The following DUSP19 variants were observed in gnomAD, a reference collection of about 807,000 sequenced individuals.
DUSP19 encodes dual specificity protein phosphatase 19.
In DUSP19, 14 loss-of-function variants were observed where a neutral mutation model predicts 16.6. The observed-to-expected ratio is 0.84, with a 90% CI of 0.56 to 1.32. The LOEUF (loss-of-function observed/expected upper bound fraction) is 1.32, where lower values mean the gene tolerates loss of function less well. Ranked by LOEUF, DUSP19 falls within the 40% of genes most tolerant of loss-of-function variation. DUSP19 has a pLI of 0.00. For synonymous variants in DUSP19, 81 were observed against 90.5 expected (o/e 0.90, Z 0.59); for missense variants, 258 against 255.9 (o/e 1.01, Z -0.06).
Position 183,079,162 on chromosome 2 carries a change from G to A in DUSP19, c.226+3G>A. 1.2e-6 allele frequency: 2 copies of A among 1,611,988 alleles called. No homozygotes were observed. Among genetic ancestry groups the A allele is most frequent in the East Asian group, 2.2e-5 (1 of 44,866 alleles). ...TATTAAGCCATGGTTGCTCCTAGGT[G>A]AGTATATCGACTTGCCACTAGATCA... On this transcript the variant is annotated splice_donor_region_variant and intron_variant, in intron 1 of 3. Transcript: ENST00000354221.
At position 183,099,443 on chromosome 2, in the gene DUSP19, A is replaced by G. The variant is rs1162679207; in HGVS notation, c.*3785A>G. ...TTGAAGTTGTATATTCTTGCAATGC[A>G]TAAAATGACATTATAATCAACAAAC... On this transcript the variant is annotated 3_prime_UTR_variant, in exon 4 of 4. Coordinates refer to ENST00000354221, the MANE Select transcript of DUSP19 (RefSeq NM_080876.4). 3 of 152,236 alleles carry G rather than the reference A, an allele frequency of 2.0e-5. No homozygotes were observed. Among genetic ancestry groups the G allele is most frequent in the African/African-American group, 4.8e-5 (2 of 41,458 alleles). 9.4% of individuals were successfully genotyped at this position (152,236 alleles called of 1,614,324 possible). A position where few individuals can be genotyped will look rare whatever the true frequency, so the allele number is the denominator to read the frequency against.
chr2:183,078,870 C>A lies in DUSP19; in HGVS notation c.-64C>A. 6.8e-7 allele frequency: 1 copy of A among 1,467,714 alleles called. No homozygotes were observed. The allele number at this position is 1,467,714 out of a possible 1,614,324, so 90.9% of individuals were successfully genotyped here. On this transcript the variant is annotated 5_prime_UTR_variant, in exon 1 of 4. Transcript: ENST00000354221. ...TGTTACCTGGGCAATAAGGGACTAG[C>A]AGTTCAGCCGTTTTCTATGCCTGCT...
chr2:183,084,307 A>G (rs1039708222), intron 2 of DUSP19, among the ~76,000 whole-genome samples: 1 of 152,042 alleles, frequency 6.6e-6, no homozygotes, highest in East Asian at 1.9e-4. Flanking sequence ...ACAGCCTGTA[A>G]TCCCAAGGCT....
chr2:183,081,484 C>T (rs949376590), intron 1 of DUSP19, among the ~76,000 whole-genome samples: 1 of 152,160 alleles, frequency 6.6e-6, no homozygotes, highest in Non-Finnish European at 1.5e-5. Flanking sequence ...TGGGCTTGAG[C>T]AGTCTGCCCG....
At position 183,082,107 on chromosome 2, in the gene DUSP19, G is replaced by A. The variant is rs774676561; in HGVS notation, c.227-1401G>A. 2.6e-5 allele frequency among the ~76,000 whole-genome samples: 4 copies of A among 152,268 alleles called. No homozygotes were observed. The South Asian group carries it at 6.2e-4, about 24-fold the overall frequency. On this transcript the variant is annotated intron_variant, in intron 1 of 3. Coordinates refer to ENST00000354221, the MANE Select transcript of DUSP19 (RefSeq NM_080876.4). ...CTAGTGATACATGGAGTGTGGGTGG[G>A]ATCCTGCAGACCAACAGCATTTGCT...
chr2:183,081,167 A>G (rs1699587986), intron 1 of DUSP19, among the ~76,000 whole-genome samples: 1 of 152,246 alleles, frequency 6.6e-6, no homozygotes, highest in African/African-American at 2.4e-5. Flanking sequence ...CCCTCGAACC[A>G]TTTAAAAATG....
At chr2:183,088,701 G>T (rs1240978932) in intron 3 of DUSP19, among the ~76,000 whole-genome samples, 1 of 152,126 alleles carries the variant, frequency 6.6e-6, no homozygotes, top group African/African-American at 2.4e-5. Flanking sequence ...AGGATTACAG[G>T]CATGAGCCAC....
At chr2:183,095,251 T>C (rs909580577) in intron 3 of DUSP19, among the ~76,000 whole-genome samples, 180 bp from the exon 4 acceptor site, 2 of 152,186 alleles carry the variant, frequency 1.3e-5, no homozygotes, top group Non-Finnish European at 2.9e-5. Context: ...GATTGATTGA[T>C]TGAGTTTCCA....
chr2:183,084,885 G>A (rs1163011237), intron 2 of DUSP19, among the ~76,000 whole-genome samples: 2 of 152,190 alleles, frequency 1.3e-5, no homozygotes, highest in Admixed American at 6.5e-5. Context: ...GTTTTTTAGA[G>A]GGTAGAATTC....
At position 183,096,437 on chromosome 2, in the gene DUSP19, A is replaced by C. The variant is rs553293779; in HGVS notation, c.*779A>C. The C allele has an allele frequency of 6.6e-5, 10 of 152,140 alleles. No individual in the cohort carries two copies. Among genetic ancestry groups the C allele is most frequent in the African/African-American group, 2.4e-4 (10 of 41,486 alleles). The allele number at this position is 152,140 out of a possible 1,614,324, so 9.4% of individuals were successfully genotyped here. A position where few individuals can be genotyped will look rare whatever the true frequency, so the allele number is the denominator to read the frequency against. ...TTTTTAGTAGAGATGGAGTCTCACC[A>C]CATAGGCCAGGCAGTCTCGAACTCC... is the stretch of plus-strand genomic sequence containing the variant. On this transcript the variant is annotated 3_prime_UTR_variant, in exon 4 of 4. Coordinates refer to ENST00000354221, the MANE Select transcript of DUSP19 (RefSeq NM_080876.4).
intron 3 of DUSP19, 38 bp from the exon 4 acceptor site, chr2:183,095,393 T>C (rs1699784402): frequency 1.3e-6 from 2 of 1,538,420 alleles, no homozygotes; most frequent in African/African-American, 1.4e-5. Flanking sequence ...CTTTCTCAAA[T>C]GAATAATGAA....
intron 2 of DUSP19, 93 bp downstream of exon 2, chr2:183,083,647 A>G: frequency 9.3e-7 from 1 of 1,073,904 alleles, no homozygotes; most frequent in South Asian, 1.9e-5. Context: ...TTGGTATATT[A>G]TGGAGTTTAT....
At position 183,085,847 on chromosome 2, in the gene DUSP19, GTTTTTTTTTTTTTTTTTTTTT is replaced by G. The variant is rs71008261; in HGVS notation, c.274-1177_274-1157del. Among the ~76,000 whole-genome samples the G allele has an allele frequency of 6.4e-3, 325 of 50,920 alleles. 7 individuals are homozygous for G. The highest frequency in any genetic ancestry group is 0.019 in the African/African-American group (306 of 15,912). 33.4% of individuals were successfully genotyped at this position (50,920 alleles called of 152,430 possible). ...GTACAGATGTGGACAAGGTTGTTAG[GTTTTTTTTTTTTTTTTTTTTT>G]TTTTTTTTTTTTTTTGAGGCAGAGT... On this transcript the variant is annotated intron_variant, in intron 2 of 3. Coordinates refer to ENST00000354221, the MANE Select transcript of DUSP19 (RefSeq NM_080876.4).
At chr2:183,086,867 A>T in intron 2 of DUSP19, among the ~76,000 whole-genome samples, 173 bp from the exon 3 acceptor site, 1 of 151,774 alleles carries the variant, frequency 6.6e-6, no homozygotes, top group African/African-American at 2.4e-5. Flanking sequence ...GAGAGAGAGA[A>T]AACATATAGT....
At chr2:183,092,028 C>T (rs1699738208) in intron 3 of DUSP19, among the ~76,000 whole-genome samples, 1 of 152,150 alleles carries the variant, frequency 6.6e-6, no homozygotes, top group Non-Finnish European at 1.5e-5. Flanking sequence ...CAGTTTGCTA[C>T]CAGACCTCTG....
At chr2:183,084,194 A>G (rs1437568143) in intron 2 of DUSP19, among the ~76,000 whole-genome samples, 1 of 152,052 alleles carries the variant, frequency 6.6e-6, no homozygotes, top group African/African-American at 2.4e-5. Context: ...CTCTTAACCC[A>G]TGTTTGGTTT....
At chr2:183,083,234 T>C (rs11692613) in intron 1 of DUSP19, among the ~76,000 whole-genome samples, 84,179 of 152,004 alleles carry the variant, frequency 0.55, 26,129 homozygotes, top group East Asian at 0.9. Context: ...TTTGTTTTTG[T>C]TTTGTTTATA....
At chr2:183,093,630 A>T (rs534524321) in intron 3 of DUSP19, among the ~76,000 whole-genome samples, 1 of 152,358 alleles carries the variant, frequency 6.6e-6, no homozygotes, top group African/African-American at 2.4e-5. Context: ...AAAGTAGGTA[A>T]ATTGAAAAGC....
intron 3 of DUSP19, among the ~76,000 whole-genome samples, chr2:183,087,684 T>C (rs1699679549): frequency 6.6e-6 from 1 of 152,224 alleles, no homozygotes; most frequent in Non-Finnish European, 1.5e-5. Flanking sequence ...GGTTGGCTGT[T>C]ATCAACAATT....
Sources: gnomAD v4.1 joint callset for allele counts (sites outside exome capture counted in the v4.1 genomes callset) on GRCh38, gnomAD v4.1.1 for gene constraint, MANE v1.5 for transcripts, NCBI Gene and HGNC (gene_info 2026-07-23, HGNC 2026-07-21) for gene names.